The following RYR2 variants were observed in gnomAD, a reference collection of about 807,000 sequenced individuals.
RYR2 encodes the protein cardiac muscle ryanodine receptor-calcium release channel.
A neutral mutation model predicts 601.1 loss-of-function variants in RYR2; 227 were observed. That is an observed-to-expected ratio of 0.38 (90% CI 0.34 to 0.42). The LOEUF (loss-of-function observed/expected upper bound fraction) is 0.42, where lower values mean the gene tolerates loss of function less well. Among genes scored for constraint, RYR2 ranks in the 10% least tolerant of loss-of-function variants. The pLI is 1.00. For missense variants in RYR2, 4,646 were observed against 6,156.5 expected (o/e 0.75, Z 8.21); for synonymous variants, 2,223 against 2,175.1 (o/e 1.02, Z -0.61).
chr1:237,352,113 G>A (rs980937577), intron 3 of RYR2, among the ~76,000 whole-genome samples: 14 of 151,754 alleles, frequency 9.2e-5, no homozygotes, highest in East Asian at 3.9e-4. Context: ...TTAGTAAGTC[G>A]GCATGTAAGA....
intron 87 of RYR2, among the ~76,000 whole-genome samples, chr1:237,777,951 CTAGT>C (rs370022851): frequency 6.6e-6 from 1 of 152,120 alleles, no homozygotes; most frequent in Non-Finnish European, 1.5e-5. Flanking sequence ...GGTGAACTCT[CTAGT>C]TAGAAGTTAG....
At chr1:237,381,108 G>T (rs1408203768) in intron 8 of RYR2, among the ~76,000 whole-genome samples, 2 of 151,872 alleles carry the variant, frequency 1.3e-5, no homozygotes, top group Non-Finnish European at 2.9e-5. Context: ...ATCTGGGCTT[G>T]GTGGTGCACA....
intron 1 of RYR2, among the ~76,000 whole-genome samples, chr1:237,116,535 A>G (rs1327163383): frequency 6.6e-6 from 1 of 151,394 alleles, no homozygotes; most frequent in Non-Finnish European, 1.5e-5. Flanking sequence ...ATTTATACAC[A>G]TGTACACACA....
chr1:237,210,240 G>C (rs1682422801), intron 1 of RYR2, among the ~76,000 whole-genome samples: 1 of 151,936 alleles, frequency 6.6e-6, no homozygotes, highest in South Asian at 2.1e-4. Flanking sequence ...TTTTAACATG[G>C]CTGAATTCTA....
rs187312119 is a variant in RYR2 at position 237,763,664 on chromosome 1, C to T, written c.11476+2636C>T. Reference sequence around the variant, plus strand: ...ATGAGATTTTAGATAGTACTTAGGACGCCAACAAGGCTTCCAAGATTAAAT... The same window carrying T: ...ATGAGATTTTAGATAGTACTTAGGATGCCAACAAGGCTTCCAAGATTAAAT... On this transcript the variant is annotated intron_variant, in intron 84 of 104. Coordinates refer to ENST00000366574, the MANE Select transcript of RYR2 (RefSeq NM_001035.3). Among the ~76,000 whole-genome samples the T allele has an allele frequency of 2.0e-3, 311 of 152,238 alleles. 2 individuals are homozygous for T. Among genetic ancestry groups the T allele is most frequent in the Admixed American group, 4.9e-3 (75 of 15,304 alleles).
intron 41 of RYR2, among the ~76,000 whole-genome samples, chr1:237,630,191 G>A (rs1039125559): frequency 2.6e-5 from 4 of 152,072 alleles, no homozygotes; most frequent in African/African-American, 4.8e-5. Context: ...GCTTCTTTTT[G>A]TGGTATTCAA....
chr1:237,732,448 T>C (rs1690775637), intron 78 of RYR2, among the ~76,000 whole-genome samples: 1 of 152,154 alleles, frequency 6.6e-6, no homozygotes, highest in Non-Finnish European at 1.5e-5. Flanking sequence ...ACTTTATAAA[T>C]AAAACAAAAG....
chr1:237,704,442 A>G (rs1351090559), intron 66 of RYR2, among the ~76,000 whole-genome samples: 1 of 152,136 alleles, frequency 6.6e-6, no homozygotes, highest in Non-Finnish European at 1.5e-5. Context: ...ACTAGATTAC[A>G]TTTAGAATTT....
rs1188909782 is a variant in RYR2 at position 237,493,953 on chromosome 1, C to T, written c.1961+866C>T. 3.9e-5 allele frequency among the ~76,000 whole-genome samples: 6 copies of T among 152,098 alleles called. No homozygotes were observed. In the East Asian group the frequency reaches 1.2e-3, roughly 29 times the overall value. Reference sequence around the variant, plus strand: ...TCTCTACTGTTTGTGTCTGTGCTTTCCTAGGAACCATGATGATTCACATTT... The same window carrying T: ...TCTCTACTGTTTGTGTCTGTGCTTTTCTAGGAACCATGATGATTCACATTT... On this transcript the variant is annotated intron_variant, in intron 19 of 104. Coordinates refer to ENST00000366574, the MANE Select transcript of RYR2 (RefSeq NM_001035.3).
Position 237,614,985 on chromosome 1 carries a change from T to C in RYR2, c.5715+142T>C. Reference sequence around the variant, plus strand: ...GTAGTTCTTCATAAAATTAACTAACTTCCTATTCTTTTCCCTCTTATTCAT... The same window carrying C: ...GTAGTTCTTCATAAAATTAACTAACCTCCTATTCTTTTCCCTCTTATTCAT... On this transcript the variant is annotated intron_variant, in intron 37 of 104. Coordinates refer to ENST00000366574, the MANE Select transcript of RYR2 (RefSeq NM_001035.3). This position sits in a 1 kb window ranked among gnomAD's most constrained non-coding sequence, Gnocchi z 4.3. The C allele has an allele frequency of 1.2e-6, 1 of 862,300 alleles. No individual in the cohort carries two copies. The highest frequency in any genetic ancestry group is 1.7e-5 in the African/African-American group (1 of 58,884). The allele number at this position is 862,300 out of a possible 1,614,324, so 53.4% of individuals were successfully genotyped here.
rs1573932788 is a variant in RYR2 at position 237,783,880 on chromosome 1, G to A, written c.12168G>A (p.Lys4056=). ...TCCACAAAGCGATGGAGAGCCATAA[G>A]CACTACACGCAGTCAGAAACGGAAT... ...RDFHKAMESH[K]HYTQSETEFL... is the part of the protein sequence containing the mutation. The change falls in exon 90 of 105, where the codon AAG becomes AAA. Residue 4056 remains lysine (K), a synonymous_variant. Transcript: ENST00000366574. 1.2e-6 allele frequency: 2 copies of A among 1,613,704 alleles called. No individual in the cohort carries two copies. The highest frequency in any genetic ancestry group is 1.7e-6 in the Non-Finnish European group (2 of 1,179,818).
chr1:237,777,692 T>C (rs1467014475), intron 87 of RYR2, among the ~76,000 whole-genome samples: 1 of 152,208 alleles, frequency 6.6e-6, no homozygotes, highest in Non-Finnish European at 1.5e-5. Flanking sequence ...CTAGTATTGA[T>C]ACTTCAGAAG....
chr1:237,591,198 CT>C (rs1675160034), intron 31 of RYR2, among the ~76,000 whole-genome samples: 1 of 35,524 alleles, frequency 2.8e-5, no homozygotes, highest in African/African-American at 9.5e-5. Flanking sequence ...CCTCCCCCTT[CT>C]CCTCCTCCCC....
At chr1:237,327,400 G>A (rs11588732) in intron 2 of RYR2, among the ~76,000 whole-genome samples, 2,726 of 152,274 alleles carry the variant, frequency 0.018, 39 homozygotes, top group South Asian at 0.026. Context: ...TAATTCATTT[G>A]AAACCCATGT....
chr1:237,464,680 C>T (rs1171986195), intron 16 of RYR2, among the ~76,000 whole-genome samples: 1 of 152,168 alleles, frequency 6.6e-6, no homozygotes, highest in South Asian at 2.1e-4. Flanking sequence ...ACACAGTTTT[C>T]TCCATGCTAT....
chr1:237,794,911 GA>G (rs893568889), intron 95 of RYR2, among the ~76,000 whole-genome samples: 20 of 152,150 alleles, frequency 1.3e-4, no homozygotes, highest in African/African-American at 4.6e-4. Context: ...GTGGGAAAGA[GA>G]TTTTTTTCTT....
At chr1:237,559,098 G>C (rs1378707832) in intron 27 of RYR2, among the ~76,000 whole-genome samples, 1 of 151,318 alleles carries the variant, frequency 6.6e-6, no homozygotes, top group Admixed American at 6.6e-5. Context: ...AGGTTCAAGT[G>C]ACTGTCCTGC....
intron 80 of RYR2, among the ~76,000 whole-genome samples, chr1:237,742,576 G>A (rs1397649595): frequency 6.6e-6 from 1 of 152,178 alleles, no homozygotes; most frequent in Non-Finnish European, 1.5e-5. Context: ...TGTTCAGAAT[G>A]AGTGTTCCTG....
Position 237,331,738 on chromosome 1 carries a change from C to A in RYR2, c.273+756C>A, listed in dbSNP as rs9803686. 3.3e-5 allele frequency among the ~76,000 whole-genome samples: 5 copies of A among 151,186 alleles called. No homozygotes were observed. The South Asian group carries it at 6.3e-4, about 19-fold the overall frequency. ...ACCATGTTGGCCAGGATGGTCTTGA[C>A]CTCCTGACCTCGTGATCTGCCCACC... On this transcript the variant is annotated intron_variant, in intron 3 of 104. Coordinates refer to ENST00000366574, the MANE Select transcript of RYR2 (RefSeq NM_001035.3).
Sources: allele counts gnomAD v4.1 joint callset (sites outside exome capture counted in the v4.1 genomes callset), GRCh38; gene constraint gnomAD v4.1.1; non-coding constraint Gnocchi (gnomAD v3.1); transcripts MANE v1.5; gene names NCBI Gene and HGNC (gene_info 2026-07-23, HGNC 2026-07-21).